Variants in DOCK3 observed in about 807,000 individuals in gnomAD.
The protein encoded by DOCK3 is dedicator of cytokinesis 3.
DOCK3 carries 60 observed loss-of-function variants against 265.6 expected under a neutral mutation model. That is an observed-to-expected ratio of 0.23 (90% CI 0.18 to 0.28). The LOEUF is 0.28. Among genes scored for constraint, DOCK3 ranks in the 10% least tolerant of loss-of-function variants. The probability of loss-of-function intolerance (pLI) is 1.00; values close to 1 mark genes in which losing one functional copy is unlikely to be tolerated. For synonymous variants in DOCK3, 881 were observed against 938.0 expected, an observed-to-expected ratio of 0.94 and a Z score of 1.11; for missense variants, 1,981 against 2,594.3, an observed-to-expected ratio of 0.76 and a Z score of 5.14.
At chr3:50,948,401 CTTT>C (rs59584829) in intron 5 of DOCK3, among the ~76,000 whole-genome samples, 2 of 98,650 alleles carry the variant, frequency 2.0e-5, no homozygotes, top group Non-Finnish European at 1.8e-5. Flanking sequence ...AAGTTTTAAT[CTTT>C]TTTTTTTTTT....
intron 3 of DOCK3, among the ~76,000 whole-genome samples, chr3:50,879,626 A>G (rs1025141150): frequency 6.6e-6 from 1 of 152,222 alleles, no homozygotes; most frequent in Non-Finnish European, 1.5e-5. Context: ...CCAGATTCAT[A>G]AAGCAAGTCC....
At chr3:50,757,382 G>A (rs185599182) in intron 1 of DOCK3, among the ~76,000 whole-genome samples, 147 of 151,664 alleles carry the variant, frequency 9.7e-4, no homozygotes, top group African/African-American at 3.4e-3. Context: ...ATGTTGGCCC[G>A]GCTGGTCTTG....
At position 51,354,744 on chromosome 3, in the gene DOCK3, G is replaced by A. The variant is rs527443521; in HGVS notation, c.4108-138G>A. 19 of 1,335,080 alleles carry A rather than the reference G, an allele frequency of 1.4e-5. 1 individual carries two copies. In the South Asian group the frequency reaches 2.2e-4, roughly 15 times the overall value. 82.7% of individuals were successfully genotyped at this position (1,335,080 alleles called of 1,614,324 possible). A position where few individuals can be genotyped will look rare whatever the true frequency, so the allele number is the denominator to read the frequency against. ...TTTCTTCTGCCTCCTTGAGTGCAAT[G>A]CCCTGTGCCTGTCCCAGGGCCTGAT... On this transcript the variant is annotated intron_variant, in intron 40 of 52. Coordinates refer to ENST00000266037, the MANE Select transcript of DOCK3 (RefSeq NM_004947.5).
At chr3:51,253,734 T>C (rs1388207136) in intron 22 of DOCK3, among the ~76,000 whole-genome samples, 1 of 152,226 alleles carries the variant, frequency 6.6e-6, no homozygotes, top group Non-Finnish European at 1.5e-5. Flanking sequence ...TTTTATTGCA[T>C]CTATTTGATT....
chr3:51,076,269 A>G (rs190279187), intron 7 of DOCK3, among the ~76,000 whole-genome samples: 2 of 152,282 alleles, frequency 1.3e-5, no homozygotes, highest in Non-Finnish European at 2.9e-5. Context: ...ACTATGCTGT[A>G]TGCAGTACAA....
intron 50 of DOCK3, 89 bp from the exon 51 acceptor site, chr3:51,375,656 TGTA>T (rs1457429187): frequency 1.4e-6 from 2 of 1,401,790 alleles, no homozygotes; most frequent in Non-Finnish European, 1.0e-6. Context: ...CGTCTGATCT[TGTA>T]GTGTCCTGTC....
intron 7 of DOCK3, among the ~76,000 whole-genome samples, chr3:51,084,442 G>A (rs2082350484): frequency 6.6e-6 from 1 of 152,098 alleles, no homozygotes; most frequent in South Asian, 2.1e-4. Flanking sequence ...AAAGTTCTGG[G>A]GTGAGGGATT....
At chr3:50,716,118 A>G (rs1267407734) in intron 1 of DOCK3, among the ~76,000 whole-genome samples, 4 of 151,996 alleles carry the variant, frequency 2.6e-5, no homozygotes, top group East Asian at 1.9e-4. Flanking sequence ...ACTCTTATCA[A>G]TGCCTCTTTC....
In DOCK3 at chr3:51,212,578, G is replaced by A. The variant is rs558585625; in HGVS notation, c.1127-1544G>A. Among the ~76,000 whole-genome samples, 4 of 152,110 alleles carry A rather than the reference G, an allele frequency of 2.6e-5. No homozygotes were observed. The South Asian group carries it at 6.2e-4, about 24-fold the overall frequency. On this transcript the variant is annotated intron_variant, in intron 13 of 52. Coordinates refer to ENST00000266037, the MANE Select transcript of DOCK3 (RefSeq NM_004947.5). ...CCAGAGGATATGATTTGATAGCTAC[G>A]TAAAGACAACAAAGATGAATAAGTT...
In DOCK3 at chr3:51,365,304, T is replaced by A. The variant is rs554893654; in HGVS notation, c.5293+2630T>A. 3.3e-5 allele frequency among the ~76,000 whole-genome samples: 5 copies of A among 152,344 alleles called. No individual in the cohort carries two copies. In the South Asian group the frequency reaches 8.3e-4, roughly 25 times the overall value. On this transcript the variant is annotated intron_variant, in intron 49 of 52. Transcript: ENST00000266037. ...TCTATGTTTGTCTGTTATTGGTGTA[T>A]AGGAATGCTTGTGATTTTTGCACAT...
chr3:51,089,693 G>C (rs1472861697), intron 8 of DOCK3, among the ~76,000 whole-genome samples: 1 of 152,016 alleles, frequency 6.6e-6, no homozygotes, highest in Non-Finnish European at 1.5e-5. Flanking sequence ...TGGATCACCT[G>C]AAGTCAGGAG....
chr3:50,806,957 G>A (rs2043458917), intron 2 of DOCK3, among the ~76,000 whole-genome samples: 1 of 152,074 alleles, frequency 6.6e-6, no homozygotes, highest in Non-Finnish European at 1.5e-5. Context: ...GTGGTGGTAG[G>A]GGATGGTGGG....
chr3:50,870,722 A>G (rs1278278199), intron 3 of DOCK3, among the ~76,000 whole-genome samples: 2 of 151,344 alleles, frequency 1.3e-5, no homozygotes, highest in Non-Finnish European at 3.0e-5. Context: ...TTTTGTGAAG[A>G]TATTTTTCTG....
chr3:50,942,296 A>G (rs896063885), intron 5 of DOCK3, among the ~76,000 whole-genome samples: 5 of 152,092 alleles, frequency 3.3e-5, no homozygotes, highest in African/African-American at 1.2e-4. Flanking sequence ...TAAGCTTCAT[A>G]GAAACAAATA....
chr3:51,284,012 G>A (rs2081282181), intron 27 of DOCK3, among the ~76,000 whole-genome samples: 1 of 152,064 alleles, frequency 6.6e-6, no homozygotes, highest in Admixed American at 6.6e-5. Context: ...GTGAGTTAAA[G>A]GGACAGGCAA....
At chr3:50,983,359 T>A (rs571290215) in intron 5 of DOCK3, among the ~76,000 whole-genome samples, 2 of 152,206 alleles carry the variant, frequency 1.3e-5, no homozygotes, top group East Asian at 3.9e-4. Flanking sequence ...GGGGCTGGAC[T>A]GCTAGTTGAG....
chr3:51,149,392 G>A (rs2085465337), intron 10 of DOCK3, among the ~76,000 whole-genome samples: 1 of 152,178 alleles, frequency 6.6e-6, no homozygotes, highest in Non-Finnish European at 1.5e-5. Flanking sequence ...TAGGAGTGGT[G>A]AGAGAGGGCA....
In DOCK3 at chr3:51,249,899, C is replaced by A. The variant is rs567263772; in HGVS notation, c.2184+3092C>A. Among the ~76,000 whole-genome samples, 1,469 of 148,690 alleles carry A rather than the reference C, an allele frequency of 9.9e-3. 16 individuals are homozygous for A. The highest frequency in any genetic ancestry group is 0.017 in the Non-Finnish European group (1,144 of 66,442). ...CCGTGTCTGTGTAGAAAGAAGTAGA[C>A]ATGGGAGACTTTTCATTTTGTTCTG... is the stretch of plus-strand genomic sequence containing the variant. On this transcript the variant is annotated intron_variant, in intron 22 of 52. Coordinates refer to ENST00000266037, the MANE Select transcript of DOCK3 (RefSeq NM_004947.5).
intron 13 of DOCK3, among the ~76,000 whole-genome samples, chr3:51,213,214 C>T (rs896784446): frequency 1.3e-5 from 2 of 152,078 alleles, no homozygotes; most frequent in Admixed American, 6.6e-5. Context: ...GCATTTAACT[C>T]CCAAGCTTAT....
Sources: gnomAD v4.1 joint callset for allele counts (sites outside exome capture counted in the v4.1 genomes callset) on GRCh38, gnomAD v4.1.1 for gene constraint, MANE v1.5 for transcripts, NCBI Gene and HGNC (gene_info 2026-07-23, HGNC 2026-07-21) for gene names.